The following OSBPL1A variants were observed in gnomAD, a reference collection of about 807,000 sequenced individuals.
OSBPL1A encodes oxysterol-binding protein-related protein 1.
Under a neutral mutation model 137.1 loss-of-function variants are expected in OSBPL1A, and 80 were observed. The observed-to-expected ratio is 0.58, with a 90% CI of 0.49 to 0.70. The LOEUF (loss-of-function observed/expected upper bound fraction) is 0.70. Ranked by LOEUF, OSBPL1A falls within the 30% of genes least tolerant of loss-of-function variation. OSBPL1A has a pLI of 0.00. For synonymous variants in OSBPL1A, 365 were observed against 389.7 expected (o/e 0.94, Z 0.75); for missense variants, 970 against 1,129.4 (o/e 0.86, Z 2.02).
intron 17 of OSBPL1A, among the ~76,000 whole-genome samples, chr18:24,220,465 G>A (rs1317147753): frequency 1.3e-5 from 2 of 152,082 alleles, no homozygotes; most frequent in African/African-American, 2.4e-5. Flanking sequence ...GCAGGGAGCC[G>A]GGAGATAAAA....
chr18:24,350,712 G>C (rs902712042), intron 4 of OSBPL1A, among the ~76,000 whole-genome samples: 2 of 152,052 alleles, frequency 1.3e-5, no homozygotes, highest in African/African-American at 4.8e-5. Flanking sequence ...GCTAGAAAAC[G>C]GTGACACAAT....
chr18:24,269,884 A>ACACACC (rs1243365419), intron 15 of OSBPL1A, among the ~76,000 whole-genome samples: 1 of 151,198 alleles, frequency 6.6e-6, no homozygotes, highest in African/African-American at 2.4e-5. Context: ...ACACACACAC[A>ACACACC]CCATGCTAAT....
At chr18:24,281,961 A>T (rs1209344142) in intron 14 of OSBPL1A, among the ~76,000 whole-genome samples, 1 of 152,120 alleles carries the variant, frequency 6.6e-6, no homozygotes, top group Non-Finnish European at 1.5e-5. Context: ...GAGAGCACGA[A>T]CCCTATTGCG....
At chr18:24,287,643 C>A (rs1444102913) in intron 14 of OSBPL1A, among the ~76,000 whole-genome samples, 6 of 151,974 alleles carry the variant, frequency 3.9e-5, no homozygotes. Context: ...CGAGGTGGTA[C>A]TTGCCTGTAA....
At chr18:24,206,531 A>T (rs1398726694) in intron 17 of OSBPL1A, among the ~76,000 whole-genome samples, 2 of 152,236 alleles carry the variant, frequency 1.3e-5, no homozygotes, top group East Asian at 3.8e-4. Context: ...TGACGAAAGA[A>T]CATACTAATA....
chr18:24,241,114 CA>C lies in OSBPL1A; in HGVS notation c.1282-1733del, dbSNP rs573838159. On this transcript the variant is annotated intron_variant, in intron 15 of 27. Transcript: ENST00000319481. ...CTGGACCCCTTCCTTACACCTTATACAAAAATTGACTCAAGATGGATTAAAG... is the reference window on the plus strand; with the variant it reads ...CTGGACCCCTTCCTTACACCTTATACAAAATTGACTCAAGATGGATTAAAG... Among the ~76,000 whole-genome samples, 505 of 152,302 alleles carry C rather than the reference CA, an allele frequency of 3.3e-3. 3 individuals carry two copies. Among genetic ancestry groups the C allele is most frequent in the African/African-American group, 0.011 (475 of 41,580 alleles).
At chr18:24,171,621 C>A in intron 22 of OSBPL1A, 123 bp from the exon 23 acceptor site, 1 of 712,978 alleles carries the variant, frequency 1.4e-6, no homozygotes, top group Non-Finnish European at 2.4e-6. Context: ...TGCCAGGCTC[C>A]ATACTAAAGT....
At chr18:24,237,034 G>T (rs972859324) in intron 16 of OSBPL1A, among the ~76,000 whole-genome samples, 1 of 151,994 alleles carries the variant, frequency 6.6e-6, no homozygotes, top group Non-Finnish European at 1.5e-5. Flanking sequence ...AAGACAAGTT[G>T]TCAGGAAAAA....
chr18:24,371,163 C>T (rs1055817680), intron 2 of OSBPL1A, among the ~76,000 whole-genome samples: 14 of 152,152 alleles, frequency 9.2e-5, no homozygotes, highest in Admixed American at 5.2e-4. Flanking sequence ...CATAACCACA[C>T]CCAGGTCGCT....
At chr18:24,361,275 C>A (rs1465236468) in intron 4 of OSBPL1A, among the ~76,000 whole-genome samples, 1 of 152,222 alleles carries the variant, frequency 6.6e-6, no homozygotes, top group East Asian at 1.9e-4. Context: ...AGTCCACCTG[C>A]CTCAGCGCCC....
intron 17 of OSBPL1A, among the ~76,000 whole-genome samples, chr18:24,210,384 G>C (rs2087501237): frequency 6.6e-6 from 1 of 151,968 alleles, no homozygotes; most frequent in Admixed American, 6.6e-5. Context: ...TGAGTAGTGA[G>C]CTAAAATTGT....
chr18:24,395,700 C>T (rs575187795), intron 1 of OSBPL1A, among the ~76,000 whole-genome samples: 1 of 151,912 alleles, frequency 6.6e-6, no homozygotes, highest in South Asian at 2.1e-4. Context: ...CATTCACTTA[C>T]CATCTCCGCC....
At chr18:24,253,957 G>A (rs573294324) in intron 15 of OSBPL1A, among the ~76,000 whole-genome samples, 1 of 152,308 alleles carries the variant, frequency 6.6e-6, no homozygotes, top group African/African-American at 2.4e-5. Flanking sequence ...AAGGCAAAAA[G>A]GGGGTCTTTT....
chr18:24,360,426 G>A (rs944783269), intron 4 of OSBPL1A, among the ~76,000 whole-genome samples: 2 of 152,120 alleles, frequency 1.3e-5, no homozygotes, highest in African/African-American at 4.8e-5. Flanking sequence ...ATAGGAATGA[G>A]ATAACTTGAT....
At chr18:24,268,997 G>A (rs1001914029) in intron 15 of OSBPL1A, among the ~76,000 whole-genome samples, 1 of 152,114 alleles carries the variant, frequency 6.6e-6, no homozygotes, top group Non-Finnish European at 1.5e-5. Flanking sequence ...ATAAAACTGG[G>A]TGTCACCTAT....
chr18:24,247,596 G>A (rs999483508), intron 15 of OSBPL1A, among the ~76,000 whole-genome samples: 1 of 152,106 alleles, frequency 6.6e-6, no homozygotes, highest in Admixed American at 6.5e-5. Context: ...CCAAGGAGCT[G>A]GGACTACAGG....
chr18:24,299,788 C>A (rs1338857498), intron 14 of OSBPL1A, among the ~76,000 whole-genome samples: 2 of 152,100 alleles, frequency 1.3e-5, no homozygotes, highest in Admixed American at 6.5e-5. Flanking sequence ...TAGTAACATG[C>A]AATATAGTAT....
chr18:24,207,011 A>G (rs1728633047), intron 17 of OSBPL1A, among the ~76,000 whole-genome samples: 1 of 152,180 alleles, frequency 6.6e-6, no homozygotes, highest in South Asian at 2.1e-4. Context: ...GATTTTACCT[A>G]ATGTCTCAAG....
At chr18:24,167,521 T>A in intron 24 of OSBPL1A, 76 bp from the exon 25 acceptor site, 1 of 1,189,840 alleles carries the variant, frequency 8.4e-7, no homozygotes, top group Non-Finnish European at 1.3e-6. Context: ...AATGACATTT[T>A]CAGTCAACAA....
Sources: allele counts gnomAD v4.1 joint callset (sites outside exome capture counted in the v4.1 genomes callset), GRCh38; gene constraint gnomAD v4.1.1; transcripts MANE v1.5; gene names NCBI Gene and HGNC (gene_info 2026-07-23, HGNC 2026-07-21).